Variants in SYT9 observed in about 807,000 individuals in gnomAD.
The protein encoded by SYT9 is synaptotagmin-9.
SYT9 carries 22 observed loss-of-function variants against 48.4 expected under a neutral mutation model. The observed-to-expected ratio is 0.45, with a 90% confidence interval of 0.32 to 0.65. The LOEUF is 0.65. Among genes scored for constraint, SYT9 ranks in the 30% least tolerant of loss-of-function variants. The pLI is 0.03. For synonymous variants in SYT9, 265 were observed against 245.0 expected (o/e 1.08, Z -0.76); for missense variants, 577 against 622.0 (o/e 0.93, Z 0.77).
chr11:7,383,450 A>G (rs1169414304), intron 3 of SYT9, among the ~76,000 whole-genome samples: 1 of 152,184 alleles, frequency 6.6e-6, no homozygotes, highest in Non-Finnish European at 1.5e-5. Flanking sequence ...CTGAGGGTGC[A>G]ACACATATCC....
intron 1 of SYT9, among the ~76,000 whole-genome samples, chr11:7,269,807 C>T (rs1564842161): frequency 6.6e-6 from 1 of 152,142 alleles, no homozygotes; most frequent in African/African-American, 2.4e-5. Context: ...ACTTCAAATG[C>T]AATTTAAGTT....
chr11:7,238,917 G>C (rs887675403), intron 1 of SYT9: 4 of 455,996 alleles, frequency 8.8e-6, no homozygotes, highest in African/African-American at 4.0e-5. Context: ...GGAGGCAGAG[G>C]TAAAGTTGCT....
At chr11:7,305,044 A>G (rs1849007706) in intron 2 of SYT9, among the ~76,000 whole-genome samples, 1 of 152,186 alleles carries the variant, frequency 6.6e-6, no homozygotes, top group Non-Finnish European at 1.5e-5. Flanking sequence ...TGCCACTATA[A>G]TTATCACAAT....
chr11:7,460,315 A>G (rs1231698763), intron 6 of SYT9, among the ~76,000 whole-genome samples: 1 of 152,216 alleles, frequency 6.6e-6, no homozygotes, highest in African/African-American at 2.4e-5. Context: ...TTTACGTTTA[A>G]TCAAATTCTC....
intron 3 of SYT9, chr11:7,314,284 C>A (rs1324910364): frequency 2.2e-6 from 1 of 445,984 alleles, no homozygotes. Context: ...TGGAACCTGG[C>A]ATTCTATTAA....
At chr11:7,433,036 T>A (rs1847640437) in intron 6 of SYT9, among the ~76,000 whole-genome samples, 4 of 152,186 alleles carry the variant, frequency 2.6e-5, no homozygotes, top group African/African-American at 9.6e-5. Context: ...TGGTGAGAAG[T>A]GTTTGGATAA....
chr11:7,412,841 C>T (rs903261852), intron 3 of SYT9, among the ~76,000 whole-genome samples: 5 of 152,108 alleles, frequency 3.3e-5, no homozygotes, highest in Admixed American at 6.5e-5. Flanking sequence ...CAAGTGAGTG[C>T]CAATTGTGGT....
intron 3 of SYT9, among the ~76,000 whole-genome samples, chr11:7,386,967 C>T (rs1314489302): frequency 2.0e-5 from 3 of 152,072 alleles, no homozygotes; most frequent in African/African-American, 7.2e-5. Context: ...ACTATGCAGC[C>T]ATAAAAAATG....
intron 3 of SYT9, among the ~76,000 whole-genome samples, chr11:7,393,081 G>A (rs1359045361): frequency 6.6e-6 from 1 of 152,052 alleles, no homozygotes; most frequent in African/African-American, 2.4e-5. Context: ...CTATTTAGAT[G>A]TCTTTTATTT....
At chr11:7,299,231 C>T (rs1013418260) in intron 1 of SYT9, among the ~76,000 whole-genome samples, 3 of 152,186 alleles carry the variant, frequency 2.0e-5, no homozygotes, top group African/African-American at 7.2e-5. Context: ...CTGATGCTCC[C>T]TCTCCATTTT....
chr11:7,364,108 A>G (rs1850197753), intron 3 of SYT9, among the ~76,000 whole-genome samples: 1 of 152,136 alleles, frequency 6.6e-6, no homozygotes, highest in African/African-American at 2.4e-5. Flanking sequence ...AGCAAAGATA[A>G]TCCACTGAGT....
At chr11:7,396,700 G>A (rs551542497) in intron 3 of SYT9, among the ~76,000 whole-genome samples, 2 of 152,196 alleles carry the variant, frequency 1.3e-5, no homozygotes, top group South Asian at 2.1e-4. Context: ...TTATGAGATG[G>A]TCAGTTCCTC....
At chr11:7,449,809 C>A (rs12576853) in intron 6 of SYT9, among the ~76,000 whole-genome samples, 28,671 of 151,828 alleles carry the variant, frequency 0.19, 3,532 homozygotes, top group African/African-American at 0.35. Flanking sequence ...CCTGAACTGT[C>A]TCTCCTCATG....
upstream of SYT9, among the ~76,000 whole-genome samples, chr11:7,248,074 A>G (rs956981065): frequency 2.0e-5 from 3 of 152,044 alleles, no homozygotes; most frequent in Non-Finnish European, 2.9e-5. Context: ...TTCCCTGTTC[A>G]TTAGTATGTT....
At chr11:7,240,690 T>C (rs1847731439) in intron 1 of SYT9, among the ~76,000 whole-genome samples, 1 of 152,228 alleles carries the variant, frequency 6.6e-6, no homozygotes, top group South Asian at 2.1e-4. Context: ...TGATATATAA[T>C]GAGCTTTTTT....
At chr11:7,440,014 T>G (rs576136647) in intron 6 of SYT9, 1 of 152,328 alleles carries the variant, frequency 6.6e-6, no homozygotes, top group African/African-American at 2.4e-5. Context: ...AAGAATCCAT[T>G]TCTATTATTG....
At chr11:7,462,719 T>G (rs570050915) in intron 6 of SYT9, among the ~76,000 whole-genome samples, 321 of 152,336 alleles carry the variant, frequency 2.1e-3, no homozygotes, top group Non-Finnish European at 3.6e-3. Context: ...AAATGTAAAT[T>G]TAACAATATT....
At chr11:7,353,320 C>T (rs1849953066) in intron 3 of SYT9, among the ~76,000 whole-genome samples, 1 of 152,140 alleles carries the variant, frequency 6.6e-6, no homozygotes, top group Admixed American at 6.5e-5. Context: ...GCAATATGGG[C>T]AGCAGCTTCA....
At chr11:7,464,956 C>A (rs573021631) in intron 6 of SYT9, among the ~76,000 whole-genome samples, 104 of 151,466 alleles carry the variant, frequency 6.9e-4, no homozygotes, top group Non-Finnish European at 1.2e-3. Flanking sequence ...GGCGTGGTGG[C>A]GGGCGCCTGT....
Sources: allele counts gnomAD v4.1 joint callset (sites outside exome capture counted in the v4.1 genomes callset), GRCh38; gene constraint gnomAD v4.1.1; transcripts MANE v1.5; gene names NCBI Gene and HGNC (gene_info 2026-07-23, HGNC 2026-07-21).